The following BTBD9 variants were observed in gnomAD, a reference collection of about 807,000 sequenced individuals.
BTBD9 encodes the protein BTB domain containing 9.
In BTBD9, 49 loss-of-function variants were observed where a neutral mutation model predicts 64.3. The observed-to-expected ratio is 0.76, with a 90% CI of 0.61 to 0.97. The LOEUF is 0.97. BTBD9 is among the 50% of genes least tolerant of loss of function. The pLI, the probability that BTBD9 is intolerant of heterozygous loss-of-function variation, is 0.00. For missense variants in BTBD9, 598 were observed against 762.1 expected (o/e 0.78, Z 2.53); for synonymous variants, 260 against 274.7 (o/e 0.95, Z 0.53).
intron 6 of BTBD9, among the ~76,000 whole-genome samples, chr6:38,547,022 C>T (rs375812810): frequency 6.6e-6 from 1 of 152,080 alleles, no homozygotes; most frequent in East Asian, 1.9e-4. Flanking sequence ...GTATCTGGGG[C>T]GTCACGAGCC....
At chr6:38,616,058 G>C (rs34958830) in intron 1 of BTBD9, among the ~76,000 whole-genome samples, 81 of 152,210 alleles carry the variant, frequency 5.3e-4, no homozygotes, top group African/African-American at 1.9e-3. Flanking sequence ...ACTGGAGGGA[G>C]ATTCTCCAAC....
chr6:38,208,960 A>G (rs770745471), intron 9 of BTBD9, among the ~76,000 whole-genome samples: 7 of 152,222 alleles, frequency 4.6e-5, no homozygotes, highest in Non-Finnish European at 8.8e-5. Flanking sequence ...AAGGCTCACT[A>G]AGATCAAAAG....
intron 6 of BTBD9, among the ~76,000 whole-genome samples, chr6:38,564,714 C>T (rs977861103): frequency 1.3e-5 from 2 of 151,988 alleles, no homozygotes; most frequent in Non-Finnish European, 2.9e-5. Flanking sequence ...TGGTGAAACC[C>T]CATCTCTACT....
At chr6:38,178,851 T>C (rs1761406414) in intron 10 of BTBD9, among the ~76,000 whole-genome samples, 1 of 150,700 alleles carries the variant, frequency 6.6e-6, no homozygotes, top group Non-Finnish European at 1.5e-5. Context: ...AGGCTATTTA[T>C]TTATTTATTT....
chr6:38,554,359 A>T (rs1208638201), intron 6 of BTBD9, among the ~76,000 whole-genome samples: 1 of 152,226 alleles, frequency 6.6e-6, no homozygotes, highest in African/African-American at 2.4e-5. Context: ...TCTCAGAGGA[A>T]TGAACTTTTC....
intron 6 of BTBD9, among the ~76,000 whole-genome samples, chr6:38,537,927 A>G (rs13219695): frequency 0.19 from 28,290 of 152,034 alleles, 2,682 homozygotes; most frequent in East Asian, 0.27. Context: ...CATGTAAATC[A>G]CCCCTGAAGG....
intron 6 of BTBD9, among the ~76,000 whole-genome samples, chr6:38,464,558 C>T (rs1770256167): frequency 6.6e-6 from 1 of 152,056 alleles, no homozygotes; most frequent in African/African-American, 2.4e-5. Context: ...TCCAGTGGCA[C>T]AATCTCGGCT....
intron 6 of BTBD9, among the ~76,000 whole-genome samples, chr6:38,399,114 T>C (rs1766817705): frequency 6.6e-6 from 1 of 152,216 alleles, no homozygotes; most frequent in Non-Finnish European, 1.5e-5. Context: ...GAGAAATGAC[T>C]GTGTCTCAAC....
At chr6:38,427,375 A>G (rs752566099) in intron 6 of BTBD9, among the ~76,000 whole-genome samples, 3 of 151,824 alleles carry the variant, frequency 2.0e-5, no homozygotes, top group Non-Finnish European at 4.4e-5. Context: ...CCCCAGACCA[A>G]TTTCATTAGG....
intron 7 of BTBD9, among the ~76,000 whole-genome samples, chr6:38,323,919 C>G (rs1763326020): frequency 6.6e-6 from 1 of 152,026 alleles, no homozygotes; most frequent in African/African-American, 2.4e-5. Flanking sequence ...GCAACATAAG[C>G]AGACTCTGTC....
intron 6 of BTBD9, among the ~76,000 whole-genome samples, chr6:38,523,025 A>G (rs1773336007): frequency 6.6e-6 from 1 of 152,140 alleles, no homozygotes; most frequent in African/African-American, 2.4e-5. Flanking sequence ...TCTACTAAAA[A>G]TACAAAAATT....
chr6:38,599,233 G>T (rs1777164922), intron 1 of BTBD9, among the ~76,000 whole-genome samples: 1 of 152,072 alleles, frequency 6.6e-6, no homozygotes, highest in Non-Finnish European at 1.5e-5. Context: ...GAAAGTGGGG[G>T]GTTATAGTCT....
intron 10 of BTBD9, among the ~76,000 whole-genome samples, chr6:38,186,370 G>A (rs1761819646): frequency 6.6e-6 from 1 of 152,152 alleles, no homozygotes; most frequent in South Asian, 2.1e-4. Context: ...ATTATTATAA[G>A]GGTCCTAAGC....
chr6:38,337,519 A>G (rs1763940444), intron 7 of BTBD9, among the ~76,000 whole-genome samples: 1 of 152,224 alleles, frequency 6.6e-6, no homozygotes, highest in African/African-American at 2.4e-5. Context: ...AGCTCAAAAT[A>G]CCATTCTTCA....
chr6:38,239,934 C>CCTGGCA (rs1763936854), intron 9 of BTBD9, among the ~76,000 whole-genome samples: 1 of 152,222 alleles, frequency 6.6e-6, no homozygotes, highest in Non-Finnish European at 1.5e-5. Flanking sequence ...GAAAGAGCAG[C>CCTGGCA]CTGGCACTGG....
chr6:38,465,069 G>A (rs1770282045), intron 6 of BTBD9, among the ~76,000 whole-genome samples: 1 of 152,074 alleles, frequency 6.6e-6, no homozygotes, highest in Non-Finnish European at 1.5e-5. Flanking sequence ...TTGGGAGGCT[G>A]AGGCTTTAAT....
chr6:38,634,585 A>AG lies in BTBD9; in HGVS notation c.-28+5214dup, dbSNP rs1174382110. ...GATTGTTCCTTTTTTTTAAAAAAAA[A>AG]GGGGGGGGAGAGGGCATCTAACACA... On this transcript the variant is annotated intron_variant, in intron 1 of 10. Transcript: ENST00000481247. Among the ~76,000 whole-genome samples, 82 of 151,192 alleles carry AG rather than the reference A, an allele frequency of 5.4e-4. No individual in the cohort carries two copies. The East Asian group carries it at 7.5e-3, about 14-fold the overall frequency.
intron 1 of BTBD9, among the ~76,000 whole-genome samples, chr6:38,620,801 T>C (rs1777956911): frequency 6.6e-6 from 1 of 152,134 alleles, no homozygotes; most frequent in Admixed American, 6.5e-5. Context: ...TTGCCAACTA[T>C]GGATCCCTGG....
intron 6 of BTBD9, among the ~76,000 whole-genome samples, chr6:38,392,815 A>G (rs1766485175): frequency 6.6e-6 from 1 of 152,106 alleles, no homozygotes; most frequent in Admixed American, 6.5e-5. Context: ...ATAAAGAAAA[A>G]TATAACATAA....
Sources: gnomAD v4.1 joint callset for allele counts (sites outside exome capture counted in the v4.1 genomes callset) on GRCh38, gnomAD v4.1.1 for gene constraint, MANE v1.5 for transcripts, NCBI Gene and HGNC (gene_info 2026-07-23, HGNC 2026-07-21) for gene names.